RAD51B: variants seen among roughly 807,000 people sequenced by gnomAD.
The protein encoded by RAD51B is DNA repair protein RAD51 homolog 2.
In RAD51B, 38 loss-of-function variants were observed where a neutral mutation model predicts 42.2. That is an observed-to-expected ratio of 0.90 (90% CI 0.70 to 1.18). RAD51B has a LOEUF of 1.18. Among genes scored for constraint, RAD51B ranks in the 50% most tolerant of loss-of-function variants. The pLI is 0.00. For missense variants in RAD51B, 373 were observed against 400.7 expected (o/e 0.93, Z 0.59); for synonymous variants, 154 against 145.2 (o/e 1.06, Z -0.43).
At chr14:68,201,660 G>A (rs2079487852) in intron 7 of RAD51B, among the ~76,000 whole-genome samples, 1 of 152,212 alleles carries the variant, frequency 6.6e-6, no homozygotes, top group Non-Finnish European at 1.5e-5. Flanking sequence ...CTGTCAATGG[G>A]AGAAAATACT....
chr14:68,310,834 GACT>G (rs1285250591), intron 8 of RAD51B, among the ~76,000 whole-genome samples: 1 of 152,110 alleles, frequency 6.6e-6, no homozygotes, highest in Non-Finnish European at 1.5e-5. Flanking sequence ...CACAGAGCAA[GACT>G]CCATCTCAAA....
rs187356323 is a variant in RAD51B at position 68,657,104 on chromosome 14, T to A, written c.*11+6248T>A. Among the ~76,000 whole-genome samples, 87 of 152,358 alleles carry A rather than the reference T, an allele frequency of 5.7e-4. 1 individual carries two copies. The highest frequency in any genetic ancestry group is 6.8e-3 in the Middle Eastern group (2 of 294). On this transcript the variant is annotated intron_variant, in intron 11 of 11. Coordinates refer to the RAD51B transcript ENST00000488612. The stretch of plus-strand genomic sequence containing the variant: ...TCCAGTAGGACAGCCACTAGCCATA[T>A]GTGACTATTGAGCACTGAGATGGAG...
chr14:68,632,473 C>T (rs143570658), intron 10 of RAD51B, among the ~76,000 whole-genome samples: 1 of 152,184 alleles, frequency 6.6e-6, no homozygotes, highest in African/African-American at 2.4e-5. Context: ...GGGATGCCAT[C>T]CAGACGGGGA....
chr14:68,204,620 G>A (rs1046323025), intron 7 of RAD51B, among the ~76,000 whole-genome samples: 3 of 152,210 alleles, frequency 2.0e-5, no homozygotes, highest in African/African-American at 7.2e-5. Flanking sequence ...TATCTGTGAA[G>A]CACGATAAAG....
At chr14:68,675,816 T>C (rs978768183) in intron 11 of RAD51B, among the ~76,000 whole-genome samples, 1 of 152,168 alleles carries the variant, frequency 6.6e-6, no homozygotes, top group Admixed American at 6.5e-5. Flanking sequence ...GGTCTTTATC[T>C]TCTCCCTGCT....
At chr14:68,293,603 G>T (rs1285413217) in intron 8 of RAD51B, among the ~76,000 whole-genome samples, 1 of 152,084 alleles carries the variant, frequency 6.6e-6, no homozygotes, top group Non-Finnish European at 1.5e-5. Context: ...TGCAGAGACA[G>T]CTCACCTAGA....
rs368278669 is a variant in RAD51B at position 68,258,407 on chromosome 14, CCACA to C, written c.757-33455_757-33452del. ...GAGACCCTGTCTCTATACACACACACCACACACACACACACACACACACACTCTC... is the reference window on the plus strand; with the variant it reads ...GAGACCCTGTCTCTATACACACACACCACACACACACACACACACACTCTC... On this transcript the variant is annotated intron_variant, in intron 7 of 10. Coordinates refer to ENST00000471583, the MANE Select transcript of RAD51B (RefSeq NM_133510.4). Among the ~76,000 whole-genome samples the C allele has an allele frequency of 5.4e-3, 795 of 146,948 alleles. 5 individuals are homozygous for C. The highest frequency in any genetic ancestry group is 0.017 in the African/African-American group (661 of 39,858).
At chr14:67,882,154 G>A (rs1411001086) in intron 5 of RAD51B, among the ~76,000 whole-genome samples, 1 of 151,936 alleles carries the variant, frequency 6.6e-6, no homozygotes, top group African/African-American at 2.4e-5. Context: ...TTAATTTTTA[G>A]TACAGATAAG....
chr14:68,132,999 T>G (rs566842596), intron 7 of RAD51B, among the ~76,000 whole-genome samples: 1 of 152,102 alleles, frequency 6.6e-6, no homozygotes, highest in South Asian at 2.1e-4. Flanking sequence ...ATGGAAAAAA[T>G]TGGCTCTTAG....
At chr14:68,418,880 A>G (rs1448328514) in intron 9 of RAD51B, among the ~76,000 whole-genome samples, 1 of 152,248 alleles carries the variant, frequency 6.6e-6, no homozygotes, top group Non-Finnish European at 1.5e-5. Context: ...TGCCTAAACT[A>G]TGAACTGATT....
intron 10 of RAD51B, among the ~76,000 whole-genome samples, chr14:68,557,472 A>G (rs1888912751): frequency 6.6e-6 from 1 of 152,270 alleles, no homozygotes; most frequent in African/African-American, 2.4e-5. Context: ...TTGAATCATT[A>G]TAAGTCTAGG....
At chr14:67,942,751 A>G (rs375446329) in intron 7 of RAD51B, among the ~76,000 whole-genome samples, 2 of 152,352 alleles carry the variant, frequency 1.3e-5, no homozygotes, top group African/African-American at 4.8e-5. Flanking sequence ...GACTTAAGAC[A>G]AAGAACATTT....
chr14:68,247,729 T>G (rs1287381018), intron 7 of RAD51B, among the ~76,000 whole-genome samples: 1 of 152,234 alleles, frequency 6.6e-6, no homozygotes, highest in Non-Finnish European at 1.5e-5. Context: ...TTTTATATGT[T>G]GCATGACATA....
chr14:67,864,720 G>A lies in RAD51B; in HGVS notation c.316-283G>A, dbSNP rs961700. 0.37 allele frequency: 192,532 copies of A among 522,082 alleles called. 38,554 individuals carry two copies. The highest frequency in any genetic ancestry group is 0.55 in the African/African-American group (28,824 of 52,808). 32.3% of individuals were successfully genotyped at this position (522,082 alleles called of 1,614,324 possible). The stretch of plus-strand genomic sequence containing the variant: ...TGAATGTTTCAGCCTTTCTCAACTA[G>A]AAGTTTCTCATCTGAACTACAAAAT... On this transcript the variant is annotated intron_variant, in intron 4 of 10. Transcript: ENST00000471583.
intron 10 of RAD51B, among the ~76,000 whole-genome samples, chr14:68,589,276 A>C (rs1255325453): frequency 6.6e-6 from 1 of 152,192 alleles, no homozygotes; most frequent in Non-Finnish European, 1.5e-5. Context: ...TGAAAATTAC[A>C]AACAAGAGAG....
chr14:68,676,370 C>A (rs553601216), intron 11 of RAD51B, among the ~76,000 whole-genome samples: 7 of 152,146 alleles, frequency 4.6e-5, no homozygotes, highest in Non-Finnish European at 7.4e-5. Flanking sequence ...GCAAGCTAGA[C>A]CAAGGCAAGT....
chr14:68,630,505 C>A (rs1217990121), intron 10 of RAD51B, among the ~76,000 whole-genome samples: 2 of 152,142 alleles, frequency 1.3e-5, no homozygotes, highest in Non-Finnish European at 2.9e-5. Context: ...TACCCCACCC[C>A]CCATGCACCT....
At chr14:68,324,280 G>A (rs1309347351) in intron 8 of RAD51B, among the ~76,000 whole-genome samples, 6 of 152,128 alleles carry the variant, frequency 3.9e-5, no homozygotes, top group African/African-American at 1.4e-4. Context: ...TACCCAACCC[G>A]CACATCTGGG....
At chr14:68,322,843 G>C (rs568425029) in intron 8 of RAD51B, among the ~76,000 whole-genome samples, 6 of 152,268 alleles carry the variant, frequency 3.9e-5, no homozygotes, top group African/African-American at 1.4e-4. Flanking sequence ...GGTGAAAGGA[G>C]GGCTGCCTAC....
Sources: gnomAD v4.1 joint callset for allele counts (sites outside exome capture counted in the v4.1 genomes callset) on GRCh38, gnomAD v4.1.1 for gene constraint, MANE v1.5 for transcripts, NCBI Gene and HGNC (gene_info 2026-07-23, HGNC 2026-07-21) for gene names.